ZDHHC14: variants seen among roughly 807,000 people sequenced by gnomAD.
The protein encoded by ZDHHC14 is zDHHC palmitoyltransferase 14, also known as palmitoyltransferase ZDHHC14.
A neutral mutation model predicts 47.7 loss-of-function variants in ZDHHC14; 16 were observed. That is an observed-to-expected ratio of 0.34 (90% CI 0.23 to 0.51). The LOEUF is 0.51. ZDHHC14 is among the 20% of genes least tolerant of loss of function. The pLI, the probability that ZDHHC14 is intolerant of heterozygous loss-of-function variation, is 0.97. For missense variants in ZDHHC14, 515 were observed against 662.5 expected, an observed-to-expected ratio of 0.78 and a Z score of 2.44; for synonymous variants, 293 against 278.9, an observed-to-expected ratio of 1.05 and a Z score of -0.50.
intron 2 of ZDHHC14, among the ~76,000 whole-genome samples, chr6:157,576,967 C>T (rs1783331700): frequency 6.6e-6 from 1 of 152,130 alleles, no homozygotes; most frequent in African/African-American, 2.4e-5. Context: ...TATTTCATCA[C>T]CCAGGTACTA....
chr6:157,466,189 C>A (rs1779212393), intron 1 of ZDHHC14, among the ~76,000 whole-genome samples: 2 of 152,282 alleles, frequency 1.3e-5, no homozygotes, highest in South Asian at 4.1e-4. Context: ...TGGAGAGGGC[C>A]CCTGTGGCTT....
chr6:157,590,329 C>G (rs1783860361), intron 2 of ZDHHC14, among the ~76,000 whole-genome samples: 1 of 152,212 alleles, frequency 6.6e-6, no homozygotes, highest in African/African-American at 2.4e-5. Flanking sequence ...CCTCCCATCA[C>G]AGGCCCAGAG....
intron 1 of ZDHHC14, among the ~76,000 whole-genome samples, chr6:157,539,969 C>T (rs1026821246): frequency 3.9e-5 from 6 of 152,140 alleles, no homozygotes; most frequent in East Asian, 1.9e-4. Context: ...AGATTTCCTG[C>T]GGGGACAGGA....
intron 8 of ZDHHC14, among the ~76,000 whole-genome samples, chr6:157,660,883 C>T (rs543759707): frequency 2.0e-5 from 3 of 152,306 alleles, no homozygotes; most frequent in East Asian, 3.9e-4. Flanking sequence ...CAGTTTCATT[C>T]AAGTAATACA....
intron 1 of ZDHHC14, among the ~76,000 whole-genome samples, chr6:157,395,657 G>T (rs1373141473): frequency 1.3e-5 from 2 of 152,130 alleles, no homozygotes; most frequent in African/African-American, 4.8e-5. Context: ...AGCCGGACGT[G>T]GTGGCACACG....
intron 3 of ZDHHC14, among the ~76,000 whole-genome samples, chr6:157,600,372 A>G (rs568903537): frequency 1.5e-4 from 23 of 152,338 alleles, no homozygotes; most frequent in African/African-American, 5.1e-4. Context: ...GATAAAAGGT[A>G]TATGTGATCA....
At position 157,663,307 on chromosome 6, in the gene ZDHHC14, ACT is replaced by A. The variant is rs1778420808; in HGVS notation, c.1069-9414_1069-9413del. ...ACCAGAGAGTGGGCCTGGGATTCAG[ACT>A]CTACTCAATCCAAGAGGGAACAGCC... On this transcript the variant is annotated intron_variant, in intron 8 of 8. Transcript: ENST00000359775. Among the ~76,000 whole-genome samples, 3 of 152,276 alleles carry A rather than the reference ACT, an allele frequency of 2.0e-5. No individual in the cohort carries two copies. In the South Asian group the frequency reaches 6.2e-4, roughly 32 times the overall value.
chr6:157,384,647 CAG>C (rs1293848730), intron 1 of ZDHHC14, among the ~76,000 whole-genome samples: 1 of 152,222 alleles, frequency 6.6e-6, no homozygotes, highest in Non-Finnish European at 1.5e-5. Context: ...TTGGAAAAAT[CAG>C]AGGCTATTCG....
chr6:157,628,971 T>G (rs35075222), intron 4 of ZDHHC14, among the ~76,000 whole-genome samples: 68,714 of 152,014 alleles, frequency 0.45, 16,265 homozygotes, highest in East Asian at 0.86. Context: ...AGATGTCTGG[T>G]GAGAAAGACT....
At chr6:157,569,724 TC>T (rs1783029619) in intron 2 of ZDHHC14, among the ~76,000 whole-genome samples, 1 of 152,174 alleles carries the variant, frequency 6.6e-6, no homozygotes, top group Admixed American at 6.5e-5. Flanking sequence ...TCTGTGGTTT[TC>T]AAAACCCCCT....
chr6:157,459,074 C>T (rs922580614), intron 1 of ZDHHC14, among the ~76,000 whole-genome samples: 4 of 151,902 alleles, frequency 2.6e-5, no homozygotes, highest in Non-Finnish European at 5.9e-5. Context: ...AGGCTGGTCT[C>T]AAGATAGTTT....
Position 157,554,353 on chromosome 6 carries a change from G to A in ZDHHC14, c.406+11608G>A, listed in dbSNP as rs950311330. ...CTCCACTAGGAATGTAAGGCAGGCCGTAGGCGAGACGGCACGAGTTCTAGC... is the reference window on the plus strand; with the variant it reads ...CTCCACTAGGAATGTAAGGCAGGCCATAGGCGAGACGGCACGAGTTCTAGC... On this transcript the variant is annotated intron_variant, in intron 2 of 8. Coordinates refer to ENST00000359775, the MANE Select transcript of ZDHHC14 (RefSeq NM_024630.3). Among the ~76,000 whole-genome samples, 8 of 152,334 alleles carry A rather than the reference G, an allele frequency of 5.3e-5. No homozygotes were observed. In the East Asian group the frequency reaches 5.8e-4, roughly 11 times the overall value.
At chr6:157,383,189 AT>A in intron 1 of ZDHHC14, among the ~76,000 whole-genome samples, 1 of 152,316 alleles carries the variant, frequency 6.6e-6, no homozygotes, top group East Asian at 1.9e-4. Context: ...ATTCCAATCA[AT>A]TTTGGTTGCT....
At chr6:157,583,013 T>C (rs1421071735) in intron 2 of ZDHHC14, among the ~76,000 whole-genome samples, 3 of 151,932 alleles carry the variant, frequency 2.0e-5, no homozygotes, top group African/African-American at 7.3e-5. Context: ...TGTTCTGCTG[T>C]TAATACTTGT....
chr6:157,627,162 T>G (rs1192309680), intron 3 of ZDHHC14, among the ~76,000 whole-genome samples: 4 of 152,168 alleles, frequency 2.6e-5, no homozygotes, highest in Non-Finnish European at 5.9e-5. Flanking sequence ...AGCTTGCATT[T>G]GACCAAAAAT....
chr6:157,429,929 A>G (rs1422579299), intron 1 of ZDHHC14, among the ~76,000 whole-genome samples: 3 of 152,238 alleles, frequency 2.0e-5, no homozygotes, highest in African/African-American at 7.2e-5. Flanking sequence ...AGAATGGCTA[A>G]GAAAATTGCT....
intron 1 of ZDHHC14, among the ~76,000 whole-genome samples, chr6:157,541,575 C>A (rs189123215): frequency 1.3e-5 from 2 of 152,194 alleles, no homozygotes; most frequent in South Asian, 2.1e-4. Flanking sequence ...TTGTTTTCCA[C>A]GCCAGATGTC....
At chr6:157,475,428 G>A (rs773263146) in intron 1 of ZDHHC14, among the ~76,000 whole-genome samples, 10 of 151,850 alleles carry the variant, frequency 6.6e-5, no homozygotes, top group South Asian at 4.2e-4. Flanking sequence ...TAGGGATTGC[G>A]TTGAATCTGT....
intron 2 of ZDHHC14, among the ~76,000 whole-genome samples, chr6:157,548,537 C>T (rs1405683037): frequency 1.3e-5 from 2 of 152,210 alleles, no homozygotes; most frequent in African/African-American, 4.8e-5. Context: ...ACCTCTGCCT[C>T]CCGGGTTCAA....
Sources: allele counts gnomAD v4.1 joint callset (sites outside exome capture counted in the v4.1 genomes callset), GRCh38; gene constraint gnomAD v4.1.1; transcripts MANE v1.5; gene names NCBI Gene and HGNC (gene_info 2026-07-23, HGNC 2026-07-21).